Variants in TSPAN8 observed in about 807,000 individuals in gnomAD.
The protein encoded by TSPAN8 is tetraspanin 8, also known as tetraspanin-8.
TSPAN8 carries 21 observed loss-of-function variants against 32.8 expected under a neutral mutation model. That is an observed-to-expected ratio of 0.64 (90% CI 0.45 to 0.92). TSPAN8 has a LOEUF of 0.92. Among genes scored for constraint, TSPAN8 ranks in the 40% least tolerant of loss-of-function variants. The pLI is 0.00. For missense variants in TSPAN8, 269 were observed against 281.9 expected, an observed-to-expected ratio of 0.95 and a Z score of 0.33; for synonymous variants, 95 against 94.6, an observed-to-expected ratio of 1.00 and a Z score of -0.03.
chr12:71,137,898 C>T, intron 6 of TSPAN8, 55 bp downstream of exon 6: 1 of 1,502,648 alleles, frequency 6.7e-7, no homozygotes. Flanking sequence ...AAAAACTAAA[C>T]AAACACAGAA....
At chr12:71,156,250 C>CAAAAAAAAAAAAAAAAAACAAAAAAAA in intron 2 of TSPAN8, among the ~76,000 whole-genome samples, 1 of 24,376 alleles carries the variant, frequency 4.1e-5, no homozygotes, top group Non-Finnish European at 6.9e-5. Context: ...CAAAGTTCTC[C>CAAAAAAAAAAAAAAAAAACAAAAAAAA]AAAAAAAAAA....
intron 2 of TSPAN8, among the ~76,000 whole-genome samples, chr12:71,147,402 C>T (rs915527029): frequency 1.3e-5 from 2 of 152,078 alleles, no homozygotes; most frequent in African/African-American, 4.8e-5. Context: ...GGATTTTGAA[C>T]TACATCATTA....
chr12:71,157,250 C>T (rs1026401860), intron 2 of TSPAN8: 12 of 177,224 alleles, frequency 6.8e-5, no homozygotes, highest in African/African-American at 2.6e-4. Context: ...ACCCGGGCTC[C>T]GGATGGAATC....
chr12:71,133,153 G>T (rs187034698), intron 6 of TSPAN8, among the ~76,000 whole-genome samples: 1 of 151,996 alleles, frequency 6.6e-6, no homozygotes, highest in African/African-American at 2.4e-5. Context: ...ACGCGATCTC[G>T]GCTCACTGCA....
Position 71,141,122 on chromosome 12 carries a change from G to A in TSPAN8, c.124-1274C>T, listed in dbSNP as rs74798760. On this transcript the variant is annotated intron_variant, in intron 3 of 8. Transcript: ENST00000247829. The stretch of plus-strand genomic sequence containing the variant: ...CCTAATAAATAAGTTTGTAATCCTG[G>A]AACAGTCACCCAACCTAGTGGGCTC... Among the ~76,000 whole-genome samples, 977 of 152,198 alleles carry A rather than the reference G, an allele frequency of 6.4e-3. 13 individuals are homozygous for A. The highest frequency in any genetic ancestry group is 0.022 in the African/African-American group (906 of 41,534).
chr12:71,129,903 T>C (rs921537857), intron 7 of TSPAN8, among the ~76,000 whole-genome samples: 2 of 151,972 alleles, frequency 1.3e-5, no homozygotes, highest in South Asian at 2.1e-4. Context: ...ATAATAATAT[T>C]GTAAATTTTC....
In TSPAN8 at chr12:71,144,148, T is replaced by TA. The variant is rs1251767871; in HGVS notation, c.123+2dup. Reference sequence around the variant, plus strand: ...AAAGGGTGACTTGTTTTTGCATACTTACTGCTTGAGAGTCATTGCTTACTC... The same window carrying TA: ...AAAGGGTGACTTGTTTTTGCATACTTAACTGCTTGAGAGTCATTGCTTACTC... On this transcript the variant is annotated splice_region_variant and intron_variant, in intron 3 of 8. Coordinates refer to ENST00000247829, the MANE Select transcript of TSPAN8 (RefSeq NM_004616.3). 6.2e-7 allele frequency: 1 copy of TA among 1,610,496 alleles called. No individual in the cohort carries two copies. Among genetic ancestry groups the TA allele is most frequent in the Admixed American group, 1.7e-5 (1 of 59,848 alleles).
intron 7 of TSPAN8, among the ~76,000 whole-genome samples, chr12:71,132,364 A>C (rs1827919540): frequency 6.6e-6 from 1 of 152,202 alleles, no homozygotes; most frequent in South Asian, 2.1e-4. Context: ...CTTATGTTAA[A>C]GTAGGAAAAA....
chr12:71,135,932 T>C (rs1871682095), intron 6 of TSPAN8, among the ~76,000 whole-genome samples: 1 of 151,836 alleles, frequency 6.6e-6, no homozygotes, highest in Non-Finnish European at 1.5e-5. Flanking sequence ...AAGAAGAGAG[T>C]CAAAGGATGC....
intron 3 of TSPAN8, among the ~76,000 whole-genome samples, chr12:71,140,648 C>CA (rs1871874554): frequency 6.6e-6 from 1 of 152,156 alleles, no homozygotes; most frequent in African/African-American, 2.4e-5. Flanking sequence ...ACCCATCAGG[C>CA]ATAATTCAGT....
At chr12:71,152,045 T>C (rs763503833) in intron 2 of TSPAN8, among the ~76,000 whole-genome samples, 5 of 152,226 alleles carry the variant, frequency 3.3e-5, no homozygotes, top group Non-Finnish European at 7.4e-5. Context: ...ATGTTTGGAA[T>C]CAGGAAAAAC....
At chr12:71,139,009 G>A in intron 4 of TSPAN8, 1 of 179,752 alleles carries the variant, frequency 5.6e-6, no homozygotes, top group South Asian at 3.4e-5. Context: ...TACTGTATAT[G>A]TTAAAAGTGA....
At chr12:71,128,554 T>C (rs1871413496) in intron 8 of TSPAN8, among the ~76,000 whole-genome samples, 1 of 152,074 alleles carries the variant, frequency 6.6e-6, no homozygotes, top group African/African-American at 2.4e-5. Context: ...ACCCAAGATC[T>C]GGGATGATTC....
rs1428782520 is a variant in TSPAN8 at position 71,157,946 on chromosome 12, A to C, written c.-126T>G. 7 of 424,902 alleles carry C rather than the reference A, an allele frequency of 1.6e-5. No homozygotes were observed. Among genetic ancestry groups the C allele is most frequent in the Admixed American group, 7.5e-5 (2 of 26,834 alleles). 26.3% of individuals were successfully genotyped at this position (424,902 alleles called of 1,614,324 possible). A position where few individuals can be genotyped will look rare whatever the true frequency, so the allele number is the denominator to read the frequency against. On this transcript the variant is annotated 5_prime_UTR_variant, in exon 1 of 9. Coordinates refer to ENST00000247829, the MANE Select transcript of TSPAN8 (RefSeq NM_004616.3). ...TTAACTCACACATTTAAATATCGCAAAGGCTATCTCCAGGCAAGTATGTTC... is the reference window on the plus strand; with the variant it reads ...TTAACTCACACATTTAAATATCGCACAGGCTATCTCCAGGCAAGTATGTTC...
rs537507986 is a variant in TSPAN8 at position 71,152,255 on chromosome 12, G to A, written c.60+5364C>T. Among the ~76,000 whole-genome samples the A allele has an allele frequency of 3.3e-5, 5 of 152,276 alleles. 1 individual carries two copies. The South Asian group carries it at 1.0e-3, about 32-fold the overall frequency. On this transcript the variant is annotated intron_variant, in intron 2 of 8. Coordinates refer to ENST00000247829, the MANE Select transcript of TSPAN8 (RefSeq NM_004616.3). ...TCAGGATTGAAATCTCAGTCAGTCT[G>A]TTTACAAAATCCACTTTTTCCCCAT...
At chr12:71,139,004 T>C (rs373731846) in intron 4 of TSPAN8, 1 of 410,156 alleles carries the variant, frequency 2.4e-6, no homozygotes, top group Non-Finnish European at 4.9e-6. Flanking sequence ...TTTTCTACTG[T>C]ATATGTTAAA....
rs1401222840 is a variant in TSPAN8, at chr12:71,132,924, T to A, written c.445-100A>T. On this transcript the variant is annotated intron_variant, in intron 6 of 8. Coordinates refer to ENST00000247829, the MANE Select transcript of TSPAN8 (RefSeq NM_004616.3). Reference sequence around the variant, plus strand: ...CTTCTGAAATCATTATTAAAGGTTATTATGCTAAAATACCATGTAAGTCAC... The same window carrying A: ...CTTCTGAAATCATTATTAAAGGTTAATATGCTAAAATACCATGTAAGTCAC... 1.1e-5 allele frequency: 15 copies of A among 1,376,208 alleles called. No individual in the cohort carries two copies. The East Asian group carries it at 2.9e-4, about 27-fold the overall frequency. The allele number at this position is 1,376,208 out of a possible 1,614,324, so 85.2% of individuals were successfully genotyped here.
rs765238270 is a variant in TSPAN8, at chr12:71,139,691, G to T, written c.261+20C>A. On this transcript the variant is annotated intron_variant, in intron 4 of 8. Transcript: ENST00000247829. ...CTGGAGTCTGAAGGTTGGACACTGG[G>T]ATTTGTTTGGAGAACTCACCAACAG... 1.2e-6 allele frequency: 2 copies of T among 1,611,684 alleles called. No homozygotes were observed. Among genetic ancestry groups the T allele is most frequent in the South Asian group, 1.1e-5 (1 of 90,900 alleles).
At chr12:71,148,042 T>C (rs1872131467) in intron 2 of TSPAN8, among the ~76,000 whole-genome samples, 1 of 152,192 alleles carries the variant, frequency 6.6e-6, no homozygotes. Context: ...AGAGTAAATG[T>C]TACTAAATTG....
Sources: allele counts gnomAD v4.1 joint callset (sites outside exome capture counted in the v4.1 genomes callset), GRCh38; gene constraint gnomAD v4.1.1; transcripts MANE v1.5; gene names NCBI Gene and HGNC (gene_info 2026-07-23, HGNC 2026-07-21).